DNAAF11: variants seen among roughly 807,000 people sequenced by gnomAD.
DNAAF11 encodes dynein axonemal assembly factor 11.
In DNAAF11, 45 loss-of-function variants were observed where a neutral mutation model predicts 60.8. That is an observed-to-expected ratio of 0.74 (90% confidence interval 0.58 to 0.95). DNAAF11 has a LOEUF of 0.95. DNAAF11 is among the 40% of genes least tolerant of loss of function. The pLI, the probability that DNAAF11 is intolerant of heterozygous loss-of-function variation, is 0.00. For synonymous variants in DNAAF11, 191 were observed against 183.5 expected (o/e 1.04, Z -0.33); for missense variants, 546 against 546.2 (o/e 1.00, Z 0.00).
In DNAAF11 at chr8:132,593,699, C is replaced by A. The variant is rs113287134; in HGVS notation, c.1141-9920G>T. Among the ~76,000 whole-genome samples, 871 of 151,930 alleles carry A rather than the reference C, an allele frequency of 5.7e-3. 13 individuals are homozygous for A. Among genetic ancestry groups the A allele is most frequent in the African/African-American group, 0.02 (838 of 41,462 alleles). On this transcript the variant is annotated intron_variant, in intron 10 of 11. Transcript: ENST00000620350. ...AATTATTAGCATAGGGTAGTATTGG[C>A]ATAATAATAAAGAGATCAATGGAAA...
intron 10 of DNAAF11, among the ~76,000 whole-genome samples, chr8:132,588,099 T>C (rs750183633): frequency 5.9e-5 from 9 of 152,212 alleles, no homozygotes; most frequent in Admixed American, 1.3e-4. Context: ...CCTTATACTT[T>C]GGGTTGAACC....
chr8:132,675,643 AG>A (rs1825729025), upstream of DNAAF11: 1 of 712,172 alleles, frequency 1.4e-6, no homozygotes, highest in Non-Finnish European at 2.2e-6. Flanking sequence ...GACCAAAACA[AG>A]CCGCGTTTCC....
At chr8:132,630,211 C>A (rs1820662585) in intron 5 of DNAAF11, among the ~76,000 whole-genome samples, 1 of 152,162 alleles carries the variant, frequency 6.6e-6, no homozygotes. Flanking sequence ...ATGAGAATAT[C>A]TCCTACCAAA....
chr8:132,665,177 G>C (rs1174209215), intron 1 of DNAAF11, among the ~76,000 whole-genome samples: 1 of 152,010 alleles, frequency 6.6e-6, no homozygotes, highest in Non-Finnish European at 1.5e-5. Context: ...ATAGCGCTGA[G>C]GAAATTGTTG....
chr8:132,606,150 C>A (rs1818111057), intron 10 of DNAAF11, among the ~76,000 whole-genome samples: 1 of 152,134 alleles, frequency 6.6e-6, no homozygotes, highest in African/African-American at 2.4e-5. Flanking sequence ...GTGATCCTGG[C>A]ATAAACAAAC....
At chr8:132,661,309 GC>G (rs911768750) in intron 2 of DNAAF11, 150 bp downstream of exon 2, 2 of 643,172 alleles carry the variant, frequency 3.1e-6, no homozygotes, top group Non-Finnish European at 5.2e-6. Context: ...TCAGGGAAAC[GC>G]CCCCCACACA....
chr8:132,697,093 C>T, the DNAAF11 span, among the ~76,000 whole-genome samples: 1 of 152,122 alleles, frequency 6.6e-6, no homozygotes, highest in Non-Finnish European at 1.5e-5. Flanking sequence ...TGCATGATTC[C>T]ATTTACATGA....
upstream of DNAAF11, among the ~76,000 whole-genome samples, chr8:132,678,238 G>T (rs1002762123): frequency 3.9e-5 from 6 of 152,170 alleles, no homozygotes; most frequent in African/African-American, 1.4e-4. Flanking sequence ...TTTCAAAGCT[G>T]CCTGCCGTAT....
At chr8:132,602,958 T>C (rs1327640783) in intron 10 of DNAAF11, among the ~76,000 whole-genome samples, 2 of 152,174 alleles carry the variant, frequency 1.3e-5, no homozygotes, top group East Asian at 1.9e-4. Context: ...TTCTGATGAC[T>C]GGTTTACATC....
At chr8:132,656,416 G>T (rs1823574202) in intron 3 of DNAAF11, among the ~76,000 whole-genome samples, 1 of 152,202 alleles carries the variant, frequency 6.6e-6, no homozygotes, top group African/African-American at 2.4e-5. Context: ...TAAGATGTAT[G>T]TAAAATGTTA....
intron 10 of DNAAF11, among the ~76,000 whole-genome samples, chr8:132,585,664 G>A (rs559536385): frequency 5.3e-5 from 8 of 152,220 alleles, no homozygotes; most frequent in African/African-American, 1.9e-4. Flanking sequence ...TGGAAGAATT[G>A]GCAACTAAAG....
chr8:132,632,662 G>A, intron 5 of DNAAF11, 78 bp downstream of exon 5: 2 of 1,003,990 alleles, frequency 2.0e-6, no homozygotes, highest in South Asian at 2.8e-5. Flanking sequence ...TAAGTGTACT[G>A]CAAACAACTT....
At position 132,585,885 on chromosome 8, in the gene DNAAF11, A is replaced by T. The variant is rs568120479; in HGVS notation, c.1141-2106T>A. On this transcript the variant is annotated intron_variant, in intron 10 of 11. Coordinates refer to ENST00000620350, the MANE Select transcript of DNAAF11 (RefSeq NM_012472.6). ...ACTTTGGCAGGGTATGAATGTCTAT[A>T]TGGTTTAAATATGAAAACAACTTGT... Among the ~76,000 whole-genome samples, 36 of 152,262 alleles carry T rather than the reference A, an allele frequency of 2.4e-4. 1 individual carries two copies. Among genetic ancestry groups the T allele is most frequent in the African/African-American group, 7.7e-4 (32 of 41,570 alleles).
chr8:132,572,382 C>T lies in DNAAF11; in HGVS notation c.1325G>A (p.Arg442Gln), dbSNP rs758116681. Residue 442 changes from arginine (R) to glutamine (Q), a missense_variant, in exon 12 of 12, where the codon CGA becomes CAA. Arg to Gln is a conservative substitution (Grantham distance 43). Transcript: ENST00000620350. ...ACTTGGTATAATTTTGGGTTCAGGT[C>T]GTCTTCTGGGTGTGTGTTTTTTCTC... Reference protein sequence around the residue: ...VQEKKHTPRRRPEPKIIPSEE... With the variant: ...VQEKKHTPRRQPEPKIIPSEE... The T allele has an allele frequency of 1.7e-5, 28 of 1,613,836 alleles. No individual in the cohort carries two copies. Among genetic ancestry groups the T allele is most frequent in the East Asian group, 1.6e-4 (7 of 44,884 alleles).
At chr8:132,651,787 C>T (rs897083955) in intron 3 of DNAAF11, among the ~76,000 whole-genome samples, 1 of 152,106 alleles carries the variant, frequency 6.6e-6, no homozygotes, top group Non-Finnish European at 1.5e-5. Flanking sequence ...ACTTCATTAC[C>T]ACAAAACATG....
At chr8:132,620,747 G>T (rs1819675132) in intron 7 of DNAAF11, among the ~76,000 whole-genome samples, 1 of 152,194 alleles carries the variant, frequency 6.6e-6, no homozygotes, top group Admixed American at 6.5e-5. Context: ...TCTTCATGGG[G>T]GCACGTGGTT....
At chr8:132,592,255 A>G (rs756918106) in intron 10 of DNAAF11, among the ~76,000 whole-genome samples, 2 of 152,230 alleles carry the variant, frequency 1.3e-5, no homozygotes, top group Non-Finnish European at 2.9e-5. Flanking sequence ...TACTAAGAGA[A>G]TAAACGCAGC....
the DNAAF11 span, among the ~76,000 whole-genome samples, chr8:132,697,006 C>A: frequency 6.6e-6 from 1 of 152,100 alleles, no homozygotes; most frequent in Admixed American, 6.6e-5. Flanking sequence ...ATGAGTTTAC[C>A]TATGTAACAA....
At chr8:132,685,999 A>C in the DNAAF11 span, among the ~76,000 whole-genome samples, 2 of 152,174 alleles carry the variant, frequency 1.3e-5, no homozygotes, top group African/African-American at 4.8e-5. Context: ...TGAAATTTCT[A>C]TACTCATTCA....
Sources: gnomAD v4.1 joint callset for allele counts (sites outside exome capture counted in the v4.1 genomes callset) on GRCh38, gnomAD v4.1.1 for gene constraint, MANE v1.5 for transcripts, NCBI Gene and HGNC (gene_info 2026-07-23, HGNC 2026-07-21) for gene names.